The following GRB2 variants were observed in gnomAD, a reference collection of about 807,000 sequenced individuals.
GRB2 encodes the protein growth factor receptor bound protein 2.
GRB2 carries 2 observed loss-of-function variants against 27.4 expected under a neutral mutation model. The observed-to-expected ratio is 0.07, with a 90% CI of 0.03 to 0.23. The LOEUF is 0.23. GRB2 is among the 10% of genes least tolerant of loss of function. The pLI, the probability that GRB2 is intolerant of heterozygous loss-of-function variation, is 1.00. For synonymous variants in GRB2, 94 were observed against 99.6 expected (o/e 0.94, Z 0.33); for missense variants, 102 against 282.4 (o/e 0.36, Z 4.58).
At chr17:75,338,760 G>C in intron 2 of GRB2, 1 of 586,574 alleles carries the variant, frequency 1.7e-6, no homozygotes, top group East Asian at 3.2e-5. Flanking sequence ...GATGAGGAAT[G>C]AGGTGAGCTT....
intron 2 of GRB2, among the ~76,000 whole-genome samples, chr17:75,344,988 AGC>A (rs2078645479): frequency 6.6e-6 from 1 of 150,696 alleles, no homozygotes; most frequent in African/African-American, 2.5e-5. Context: ...AGAAAACAGG[AGC>A]TCAAACCTCT....
chr17:75,340,821 G>T (rs2078615806), intron 2 of GRB2, among the ~76,000 whole-genome samples: 1 of 152,176 alleles, frequency 6.6e-6, no homozygotes, highest in African/African-American at 2.4e-5. Flanking sequence ...CTGCTATGCT[G>T]TGTGCCAAAT....
intron 3 of GRB2, 21 bp from the exon 4 acceptor site, chr17:75,326,041 G>C (rs748165454): frequency 1.4e-5 from 22 of 1,613,612 alleles, no homozygotes; most frequent in Non-Finnish European, 1.8e-5. Context: ...AAGGCAAGCT[G>C]GTCAACATCT....
In GRB2 at chr17:75,325,834, AC is replaced by A; in HGVS notation, c.299+63del. 1.9e-6 allele frequency: 3 copies of A among 1,568,884 alleles called. No homozygotes were observed. In the South Asian group the frequency reaches 3.3e-5, roughly 17 times the overall value. On this transcript the variant is annotated intron_variant, in intron 4 of 5. Transcript: ENST00000316804. ...TTGTGTGTAGCCAGGCACCTGACCAACGGCTTCACAATTTGGATCAGTCAGA... is the reference window on the plus strand; with the variant it reads ...TTGTGTGTAGCCAGGCACCTGACCAAGGCTTCACAATTTGGATCAGTCAGA...
chr17:75,355,810 T>TTTC (rs1207374052), intron 2 of GRB2, among the ~76,000 whole-genome samples: 2 of 147,378 alleles, frequency 1.4e-5, no homozygotes, highest in African/African-American at 5.1e-5. Context: ...TTAATTTTCC[T>TTTC]TTCTTCTTTT....
chr17:75,321,585 C>T (rs1205136018), intron 5 of GRB2, 74 bp downstream of exon 5: 6 of 1,435,000 alleles, frequency 4.2e-6, no homozygotes, highest in African/African-American at 1.4e-5. Context: ...GGCGCCTCCC[C>T]TTTCCTACAG....
rs61757951 is a variant in GRB2, at chr17:75,319,729, C to T, written c.*639G>A. 0.03 allele frequency: 4,500 copies of T among 152,374 alleles called. 214 individuals are homozygous for T. Among genetic ancestry groups the T allele is most frequent in the African/African-American group, 0.1 (4,148 of 41,518 alleles). 9.4% of individuals were successfully genotyped at this position (152,374 alleles called of 1,614,324 possible). A position where few individuals can be genotyped will look rare whatever the true frequency, so the allele number is the denominator to read the frequency against. On this transcript the variant is annotated 3_prime_UTR_variant, in exon 6 of 6. Coordinates refer to ENST00000316804, the MANE Select transcript of GRB2 (RefSeq NM_002086.5). ...TGCTGGGATTACAGGCGTGAGCCAC[C>T]GCGCCCAGCCCAGGTGGGCTTTCTC...
rs542556380 is a variant in GRB2, at chr17:75,366,869, G to A, written c.78+26682C>T. The stretch of plus-strand genomic sequence containing the variant: ...TTCCCTGAAATAAGCCAATGAAAAC[G>A]AAAAATACTTCTTAAATCTCTAATA... On this transcript the variant is annotated intron_variant, in intron 2 of 5. Coordinates refer to ENST00000316804, the MANE Select transcript of GRB2 (RefSeq NM_002086.5). Among the ~76,000 whole-genome samples, 13 of 151,712 alleles carry A rather than the reference G, an allele frequency of 8.6e-5. No individual in the cohort carries two copies. In the South Asian group the frequency reaches 1.7e-3, roughly 19 times the overall value.
intron 3 of GRB2, among the ~76,000 whole-genome samples, chr17:75,329,135 TCCCCACACTG>T (rs1390571867): frequency 6.6e-6 from 1 of 151,812 alleles, no homozygotes; most frequent in Non-Finnish European, 1.5e-5. Flanking sequence ...CGGCTGGCTC[TCCCCACACTG>T]CCCCACACTC....
intron 5 of GRB2, 129 bp downstream of exon 5, chr17:75,321,530 C>G: frequency 1.3e-6 from 1 of 782,378 alleles, no homozygotes; most frequent in Non-Finnish European, 2.1e-6. Flanking sequence ...GTAAGGAGCA[C>G]AGAAGCCCCA....
intron 2 of GRB2, among the ~76,000 whole-genome samples, chr17:75,358,564 C>A (rs1434588292): frequency 1.3e-5 from 2 of 151,798 alleles, no homozygotes; most frequent in Admixed American, 6.6e-5. Context: ...TCATTAAGAT[C>A]ATTAAGAGTA....
At chr17:75,345,730 G>A (rs1306522423) in intron 2 of GRB2, among the ~76,000 whole-genome samples, 5 of 151,918 alleles carry the variant, frequency 3.3e-5, no homozygotes, top group Non-Finnish European at 5.9e-5. Flanking sequence ...GGGTGGAGGC[G>A]AATGCAGAGA....
At chr17:75,327,702 G>A (rs1007293705) in intron 3 of GRB2, among the ~76,000 whole-genome samples, 2 of 152,068 alleles carry the variant, frequency 1.3e-5, no homozygotes, top group African/African-American at 4.8e-5. Context: ...CAACCATATT[G>A]GAAGATGTAC....
intron 1 of GRB2, among the ~76,000 whole-genome samples, chr17:75,400,674 T>G (rs1405659845): frequency 6.6e-6 from 1 of 151,914 alleles, no homozygotes; most frequent in African/African-American, 2.4e-5. Context: ...TTGTGTGTGT[T>G]TTTAATGTTT....
At chr17:75,386,676 A>T (rs2078965653) in intron 2 of GRB2, among the ~76,000 whole-genome samples, 1 of 152,218 alleles carries the variant, frequency 6.6e-6, no homozygotes, top group African/African-American at 2.4e-5. Flanking sequence ...GCAGCTGAAC[A>T]AAGCAAGACT....
At chr17:75,399,706 C>G (rs1260257981) in intron 1 of GRB2, among the ~76,000 whole-genome samples, 1 of 148,912 alleles carries the variant, frequency 6.7e-6, no homozygotes, top group East Asian at 2.0e-4. Flanking sequence ...GAGTCTCGCT[C>G]TGTCGCCCAG....
At chr17:75,326,872 T>G (rs1439515517) in intron 3 of GRB2, among the ~76,000 whole-genome samples, 1 of 152,182 alleles carries the variant, frequency 6.6e-6, no homozygotes, top group East Asian at 1.9e-4. Context: ...AAAACTATAA[T>G]TAGGAAGAAG....
At chr17:75,345,878 T>C (rs191416597) in intron 2 of GRB2, among the ~76,000 whole-genome samples, 47 of 152,026 alleles carry the variant, frequency 3.1e-4, no homozygotes, top group Middle Eastern at 3.4e-3. Flanking sequence ...CCAGTGACAT[T>C]TGAAGGGAGA....
intron 2 of GRB2, among the ~76,000 whole-genome samples, chr17:75,342,127 C>T (rs766169845): frequency 6.6e-6 from 1 of 152,104 alleles, no homozygotes; most frequent in Non-Finnish European, 1.5e-5. Flanking sequence ...GTCACCTTTC[C>T]CTCTGCTTCA....
Sources: allele counts gnomAD v4.1 joint callset (sites outside exome capture counted in the v4.1 genomes callset), GRCh38; gene constraint gnomAD v4.1.1; transcripts MANE v1.5; gene names NCBI Gene and HGNC (gene_info 2026-07-23, HGNC 2026-07-21).